The following TTC28 variants were observed in gnomAD, a reference collection of about 807,000 sequenced individuals.
TTC28 encodes tetratricopeptide repeat domain 28.
In TTC28, 61 loss-of-function variants were observed where a neutral mutation model predicts 198.0. That is an observed-to-expected ratio of 0.31 (90% CI 0.25 to 0.38). TTC28 has a LOEUF of 0.38. Ranked by LOEUF, TTC28 falls within the 10% of genes least tolerant of loss-of-function variation. The pLI is 1.00. For synonymous variants in TTC28, 1,171 were observed against 1,297.8 expected, an observed-to-expected ratio of 0.90 and a Z score of 2.10; for missense variants, 2,678 against 3,164.0, an observed-to-expected ratio of 0.85 and a Z score of 3.69.
At chr22:28,014,505 C>T in intron 13 of TTC28, 113 bp from the exon 14 acceptor site, 1 of 1,231,128 alleles carries the variant, frequency 8.1e-7, no homozygotes, top group African/African-American at 1.5e-5. Context: ...TTCACAGCAG[C>T]AACCCCGCCA....
chr22:28,520,621 G>A (rs1034829137), intron 2 of TTC28, among the ~76,000 whole-genome samples: 1 of 152,172 alleles, frequency 6.6e-6, no homozygotes, highest in Non-Finnish European at 1.5e-5. Context: ...AGCCAGGCAT[G>A]GTGGCATGTG....
At chr22:28,125,457 A>C (rs1942890914) in intron 6 of TTC28, among the ~76,000 whole-genome samples, 1 of 152,208 alleles carries the variant, frequency 6.6e-6, no homozygotes, top group Non-Finnish European at 1.5e-5. Flanking sequence ...ATCACAACTC[A>C]GGGTAGTAAC....
intron 6 of TTC28, among the ~76,000 whole-genome samples, chr22:28,159,942 A>G (rs1920992475): frequency 6.6e-6 from 1 of 152,194 alleles, no homozygotes. Context: ...TGTCAAGTGA[A>G]ATAAGCCAAG....
chr22:28,110,597 T>C (rs1055248675), intron 6 of TTC28, among the ~76,000 whole-genome samples: 2 of 152,162 alleles, frequency 1.3e-5, no homozygotes, highest in African/African-American at 2.4e-5. Flanking sequence ...AATAAGTACA[T>C]AAATCATGGT....
At chr22:28,320,720 C>G (rs1162846485) in intron 2 of TTC28, among the ~76,000 whole-genome samples, 6 of 152,118 alleles carry the variant, frequency 3.9e-5, no homozygotes. Flanking sequence ...AAAAGTCAAT[C>G]TAAGAGAGAG....
At chr22:28,034,867 C>A (rs1242128300) in intron 12 of TTC28, among the ~76,000 whole-genome samples, 2 of 152,140 alleles carry the variant, frequency 1.3e-5, no homozygotes, top group Admixed American at 6.5e-5. Context: ...CCAGATCCTG[C>A]CTGCTCTGGG....
At chr22:28,337,912 G>A (rs905915934) in intron 2 of TTC28, among the ~76,000 whole-genome samples, 8 of 152,178 alleles carry the variant, frequency 5.3e-5, no homozygotes, top group African/African-American at 1.9e-4. Flanking sequence ...TTGCTCGTTG[G>A]TTGATGCAGT....
chr22:28,169,325 A>G (rs1922394852), intron 5 of TTC28, among the ~76,000 whole-genome samples: 1 of 152,206 alleles, frequency 6.6e-6, no homozygotes, highest in Admixed American at 6.5e-5. Flanking sequence ...ATTACTGGGT[A>G]TATACCCAAA....
intron 2 of TTC28, among the ~76,000 whole-genome samples, chr22:28,593,975 G>C (rs1273489293): frequency 6.6e-6 from 1 of 152,082 alleles, no homozygotes; most frequent in African/African-American, 2.4e-5. Context: ...AAGGCTTCTT[G>C]AGTTTGGAAG....
At chr22:28,518,842 T>G (rs2048843032) in intron 2 of TTC28, among the ~76,000 whole-genome samples, 1 of 152,170 alleles carries the variant, frequency 6.6e-6, no homozygotes, top group African/African-American at 2.4e-5. Context: ...TACAGTCTCC[T>G]AGGCCATCAT....
At chr22:28,604,364 T>C (rs1220298744) in intron 2 of TTC28, among the ~76,000 whole-genome samples, 1 of 149,544 alleles carries the variant, frequency 6.7e-6, no homozygotes, top group Non-Finnish European at 1.5e-5. Flanking sequence ...TAACTTTTTA[T>C]CTGAAATGCT....
intron 2 of TTC28, among the ~76,000 whole-genome samples, chr22:28,549,237 C>G (rs1215158842): frequency 6.6e-6 from 1 of 152,070 alleles, no homozygotes; most frequent in Non-Finnish European, 1.5e-5. Context: ...CCATGTTGGC[C>G]AGGCTGGTCT....
intron 2 of TTC28, among the ~76,000 whole-genome samples, chr22:28,350,273 T>C (rs771955305): frequency 7.2e-5 from 11 of 152,224 alleles, no homozygotes; most frequent in Non-Finnish European, 1.5e-4. Flanking sequence ...ATCTAACAGA[T>C]TTACTAGCAA....
rs73427710 is a variant in TTC28, at chr22:28,056,805, C to A, written c.3933-26439G>T. 9.7e-3 allele frequency among the ~76,000 whole-genome samples: 1,472 copies of A among 152,218 alleles called. 14 individuals are homozygous for A. Among genetic ancestry groups the A allele is most frequent in the Middle Eastern group, 0.02 (6 of 294 alleles). ...ATGATCCTTCCCAGTTAATTTTTAC[C>A]CCAGCCCTGGAGGCAAATCGTCTGA... On this transcript the variant is annotated intron_variant, in intron 12 of 22. Coordinates refer to ENST00000397906, the MANE Select transcript of TTC28 (RefSeq NM_001145418.2).
chr22:28,254,433 A>G (rs1047286844), intron 5 of TTC28, among the ~76,000 whole-genome samples: 4 of 152,152 alleles, frequency 2.6e-5, no homozygotes, highest in African/African-American at 9.6e-5. Context: ...AAAGAATCAG[A>G]AAAGTCAAGG....
chr22:27,982,906 G>T lies in TTC28; in HGVS notation c.6761C>A (p.Thr2254Asn). 1 of 1,551,694 alleles carries T rather than the reference G, an allele frequency of 6.4e-7. No individual in the cohort carries two copies. Among genetic ancestry groups the T allele is most frequent in the Non-Finnish European group, 8.7e-7 (1 of 1,146,992 alleles). ...GCTGTCTTTGATGGACATCTCTGAG[G>T]TGGTGGGGCTGCTATATCCGGAACT... ...KVSSGYSSPT[T>N]SEMSIKDSPS... Residue 2254 changes from threonine to asparagine, a missense_variant, in exon 23 of 23, where the codon ACC becomes AAC. Thr to Asn is a moderately conservative substitution (Grantham distance 65). Transcript: ENST00000397906. The surrounding 1 kb of genome is among the most constrained non-coding windows in gnomAD (Gnocchi z 5.2).
At chr22:27,991,810 G>A (rs1283665575) in intron 19 of TTC28, among the ~76,000 whole-genome samples, 1 of 152,146 alleles carries the variant, frequency 6.6e-6, no homozygotes, top group East Asian at 1.9e-4. Context: ...AGCTGCAAAG[G>A]ACCTACATGA....
At chr22:28,159,041 T>C (rs1943823738) in intron 6 of TTC28, among the ~76,000 whole-genome samples, 1 of 152,184 alleles carries the variant, frequency 6.6e-6, no homozygotes, top group South Asian at 2.1e-4. Context: ...AACCAGAATA[T>C]ATAAGGCACT....
At chr22:28,633,148 C>T (rs537079487) in intron 1 of TTC28, among the ~76,000 whole-genome samples, 6 of 151,282 alleles carry the variant, frequency 4.0e-5, no homozygotes, top group Admixed American at 3.3e-4. Flanking sequence ...GGCATGGTGG[C>T]GGGTGCCTAT....
Sources: allele counts gnomAD v4.1 joint callset (sites outside exome capture counted in the v4.1 genomes callset), GRCh38; gene constraint gnomAD v4.1.1; non-coding constraint Gnocchi (gnomAD v3.1); transcripts MANE v1.5; gene names NCBI Gene and HGNC (gene_info 2026-07-23, HGNC 2026-07-21).